TRIM14: variants seen among roughly 807,000 people sequenced by gnomAD.
TRIM14 encodes tripartite motif containing 14.
A neutral mutation model predicts 44.5 loss-of-function variants in TRIM14; 28 were observed. The ratio of observed to expected loss-of-function variants is 0.63; its 90% CI spans 0.47 to 0.86. The LOEUF (loss-of-function observed/expected upper bound fraction) is 0.86, where lower values mean the gene tolerates loss of function less well. Among genes scored for constraint, TRIM14 ranks in the 40% least tolerant of loss-of-function variants. The pLI, the probability that TRIM14 is intolerant of heterozygous loss-of-function variation, is 0.00. For missense variants in TRIM14, 607 were observed against 611.1 expected, an observed-to-expected ratio of 0.99 and a Z score of 0.07; for synonymous variants, 299 against 269.2, an observed-to-expected ratio of 1.11 and a Z score of -1.08.
At chr9:98,078,671 T>C (rs1474947744) in intron 6 of TRIM14, among the ~76,000 whole-genome samples, 1 of 151,584 alleles carries the variant, frequency 6.6e-6, no homozygotes, top group Non-Finnish European at 1.5e-5. Context: ...CCCCTTCTTA[T>C]TAAAAATATA....
chr9:98,041,675 T>C, the TRIM14 span, among the ~76,000 whole-genome samples: 1 of 151,642 alleles, frequency 6.6e-6, no homozygotes, highest in Admixed American at 6.6e-5. Flanking sequence ...TTTTTGTTTT[T>C]TGTTTTTGTT....
chr9:98,110,042 C>T (rs1564188951), intron 1 of TRIM14, 58 bp from the exon 2 acceptor site: 1 of 1,339,708 alleles, frequency 7.5e-7, no homozygotes, highest in Non-Finnish European at 1.1e-6. Context: ...AAATAACAGG[C>T]CCCCCACAGG....
intron 6 of TRIM14, chr9:98,076,299 G>C (rs1433325456): frequency 6.6e-6 from 1 of 152,348 alleles, no homozygotes; most frequent in African/African-American, 2.4e-5. Flanking sequence ...ATTAGGTCAT[G>C]ACCGTTTCAT....
At chr9:98,054,616 T>C in the TRIM14 span, among the ~76,000 whole-genome samples, 5 of 152,206 alleles carry the variant, frequency 3.3e-5, no homozygotes, top group African/African-American at 1.2e-4. Flanking sequence ...GAGGGACACC[T>C]TGCCATGGAG....
chr9:98,112,697 G>T (rs1390589738), intron 1 of TRIM14, among the ~76,000 whole-genome samples: 4 of 151,326 alleles, frequency 2.6e-5, no homozygotes, highest in South Asian at 2.1e-4. Context: ...TACTCAGGAG[G>T]CTGAGGCAGG....
At chr9:98,107,537 T>A (rs778695313) in intron 2 of TRIM14, among the ~76,000 whole-genome samples, 3 of 152,158 alleles carry the variant, frequency 2.0e-5, no homozygotes, top group Non-Finnish European at 4.4e-5. Context: ...GAGTGAAAAA[T>A]ACCTCAAAAG....
chr9:98,037,376 TCAAA>T, the TRIM14 span, among the ~76,000 whole-genome samples: 29 of 152,022 alleles, frequency 1.9e-4, no homozygotes, highest in African/African-American at 2.4e-4. Context: ...AGACTCCATC[TCAAA>T]CAAACAAACA....
At chr9:98,043,558 T>C in the TRIM14 span, among the ~76,000 whole-genome samples, 1 of 152,056 alleles carries the variant, frequency 6.6e-6, no homozygotes, top group African/African-American at 2.4e-5. Flanking sequence ...TCTGGTGTGC[T>C]AGAGGGAAGT....
chr9:98,051,810 T>C, the TRIM14 span, among the ~76,000 whole-genome samples: 1 of 151,824 alleles, frequency 6.6e-6, no homozygotes, highest in Non-Finnish European at 1.5e-5. Context: ...ATGCTTCTAC[T>C]GTGGATTTCA....
chr9:98,109,840 G>A (rs749305588), intron 2 of TRIM14, 49 bp downstream of exon 2: 4 of 1,489,034 alleles, frequency 2.7e-6, no homozygotes, highest in Non-Finnish European at 3.7e-6. Flanking sequence ...TTTTGTCTGG[G>A]GGGAAATGTG....
intron 5 of TRIM14, 140 bp downstream of exon 5, chr9:98,091,769 A>T (rs1485838708): frequency 2.1e-6 from 1 of 465,426 alleles, no homozygotes; most frequent in Non-Finnish European, 3.3e-6. Flanking sequence ...AACATTTTTT[A>T]AAAAACAAGT....
At chr9:98,081,609 C>T (rs1829865757), downstream of TRIM14, 1 of 153,366 alleles carries the variant, frequency 6.5e-6, no homozygotes, top group African/African-American at 2.4e-5. Context: ...GACAGAGGAA[C>T]TGGTGGGCCT....
chr9:98,111,912 A>T (rs1051859098), intron 1 of TRIM14, among the ~76,000 whole-genome samples: 1 of 152,302 alleles, frequency 6.6e-6, no homozygotes, highest in South Asian at 2.1e-4. Context: ...CACTCCAACC[A>T]GGGCAACAAG....
At chr9:98,058,746 C>T in the TRIM14 span, among the ~76,000 whole-genome samples, 49,245 of 151,960 alleles carry the variant, frequency 0.32, 10,739 homozygotes, top group African/African-American at 0.62. Context: ...GGCCACATAG[C>T]GAGACCCTGT....
At chr9:98,050,965 G>T in the TRIM14 span, among the ~76,000 whole-genome samples, 1 of 152,028 alleles carries the variant, frequency 6.6e-6, no homozygotes, top group Admixed American at 6.6e-5. Flanking sequence ...GTAGAGACAG[G>T]GTTTCACCAT....
At chr9:98,093,734 T>TTTA (rs10624964) in intron 4 of TRIM14, among the ~76,000 whole-genome samples, 63,706 of 150,580 alleles carry the variant, frequency 0.42, 15,844 homozygotes, top group African/African-American at 0.69. Flanking sequence ...CCTGCCCTGG[T>TTTA]TTATTATTAT....
chr9:98,083,139 GT>G, downstream of TRIM14: 7 of 1,336,032 alleles, frequency 5.2e-6, no homozygotes, highest in South Asian at 2.7e-5. Flanking sequence ...AGGAATGGCG[GT>G]CTCCAGGGAC....
rs768046381 is a variant in TRIM14 at position 98,087,372 on chromosome 9, A to C, written c.*98T>G. ...GCTGGGGCAGGGAGAGGGCCCTAAGAAGCAGGCAGTAAGGGGACCAGCCAC... is the reference window on the plus strand; with the variant it reads ...GCTGGGGCAGGGAGAGGGCCCTAAGCAGCAGGCAGTAAGGGGACCAGCCAC... On this transcript the variant is annotated 3_prime_UTR_variant, in exon 6 of 6. Transcript: ENST00000341469. 1.1e-4 allele frequency: 175 copies of C among 1,561,150 alleles called. No homozygotes were observed. The highest frequency in any genetic ancestry group is 1.3e-4 in the Non-Finnish European group (151 of 1,132,498).
At chr9:98,083,774 G>GGT (rs1491366167), downstream of TRIM14, among the ~76,000 whole-genome samples, 1 of 152,186 alleles carries the variant, frequency 6.6e-6, no homozygotes, top group Admixed American at 6.5e-5. Flanking sequence ...GTTAGAAGGT[G>GGT]GTATGTGAGC....
Sources: allele counts gnomAD v4.1 joint callset (sites outside exome capture counted in the v4.1 genomes callset), GRCh38; gene constraint gnomAD v4.1.1; transcripts MANE v1.5; gene names NCBI Gene and HGNC (gene_info 2026-07-23, HGNC 2026-07-21).